The following CACNA2D1 variants were observed in gnomAD, a reference collection of about 807,000 sequenced individuals.
CACNA2D1 encodes the protein voltage-dependent calcium channel subunit alpha-2/delta-1.
CACNA2D1 carries 53 observed loss-of-function variants against 171.5 expected under a neutral mutation model. That is an observed-to-expected ratio of 0.31 (90% CI 0.25 to 0.39). The LOEUF (loss-of-function observed/expected upper bound fraction) is 0.39. Ranked by LOEUF, CACNA2D1 falls within the 10% of genes least tolerant of loss-of-function variation. The pLI, the probability that CACNA2D1 is intolerant of heterozygous loss-of-function variation, is 1.00. For synonymous variants in CACNA2D1, 442 were observed against 443.1 expected (o/e 1.00, Z 0.03); for missense variants, 903 against 1,299.8 (o/e 0.69, Z 4.69).
intron 9 of CACNA2D1, among the ~76,000 whole-genome samples, chr7:82,063,275 A>G (rs1807174502): frequency 6.6e-6 from 1 of 152,198 alleles, no homozygotes; most frequent in South Asian, 2.1e-4. Flanking sequence ...ATTGATTTAT[A>G]CTTAAGAAGA....
chr7:82,426,143 A>G (rs1373139148), intron 1 of CACNA2D1, among the ~76,000 whole-genome samples: 1 of 17,268 alleles, frequency 5.8e-5, no homozygotes. Flanking sequence ...AAATATATAA[A>G]TAAATAAATA....
At chr7:82,185,516 A>G (rs1220722737) in intron 3 of CACNA2D1, among the ~76,000 whole-genome samples, 15 of 15,746 alleles carry the variant, frequency 9.5e-4, no homozygotes, top group Non-Finnish European at 1.3e-3. Context: ...GAGGGGGAGG[A>G]GGGGGAGGAG....
At chr7:82,315,165 G>A (rs185676667) in intron 3 of CACNA2D1, among the ~76,000 whole-genome samples, 8 of 151,910 alleles carry the variant, frequency 5.3e-5, no homozygotes, top group South Asian at 2.1e-4. Context: ...AGGAAATAAC[G>A]TGTCGTGTCT....
chr7:82,238,752 GTC>G (rs1375988737), intron 3 of CACNA2D1, among the ~76,000 whole-genome samples: 3 of 152,018 alleles, frequency 2.0e-5, no homozygotes, highest in Non-Finnish European at 4.4e-5. Context: ...TTATCTGTAT[GTC>G]TGTTACACAG....
intron 6 of CACNA2D1, among the ~76,000 whole-genome samples, chr7:82,102,757 T>C (rs983229118): frequency 6.6e-6 from 1 of 152,092 alleles, no homozygotes; most frequent in Non-Finnish European, 1.5e-5. Flanking sequence ...GTCATACATG[T>C]CACTTCCACC....
At position 82,432,037 on chromosome 7, in the gene CACNA2D1, TAAAAA is replaced by T. The variant is rs34180150; in HGVS notation, c.95+11323_95+11327del. Among the ~76,000 whole-genome samples, 2 of 82,232 alleles carry T rather than the reference TAAAAA, an allele frequency of 2.4e-5. 1 individual carries two copies. Among genetic ancestry groups the T allele is most frequent in the South Asian group, 8.5e-4 (2 of 2,342 alleles). The allele number at this position is 82,232 out of a possible 152,430, so 53.9% of individuals were successfully genotyped here. ...TGGGCAACAGAACAAGACTCTGTCT[TAAAAA>T]AAAAAAAAAAAAAAAATTGGAGAGT... is the stretch of plus-strand genomic sequence containing the variant. On this transcript the variant is annotated intron_variant, in intron 1 of 38. Transcript: ENST00000356860.
intron 12 of CACNA2D1, among the ~76,000 whole-genome samples, chr7:82,022,868 T>A (rs556968682): frequency 7.3e-4 from 111 of 152,074 alleles, no homozygotes; most frequent in African/African-American, 2.6e-3. Context: ...TTGAAAGTTA[T>A]TTCATATCAT....
chr7:82,430,769 G>A (rs564369841), intron 1 of CACNA2D1, among the ~76,000 whole-genome samples: 2 of 152,224 alleles, frequency 1.3e-5, no homozygotes, highest in East Asian at 1.9e-4. Flanking sequence ...TGCGAAAAAC[G>A]CAACTGGTCT....
At chr7:82,121,081 C>G (rs1008270274) in intron 5 of CACNA2D1, among the ~76,000 whole-genome samples, 3 of 151,956 alleles carry the variant, frequency 2.0e-5, no homozygotes, top group Non-Finnish European at 4.4e-5. Flanking sequence ...TGTTTTGAAT[C>G]AGGATCTTGC....
chr7:82,400,434 A>T (rs1310593991), intron 1 of CACNA2D1, among the ~76,000 whole-genome samples: 2 of 152,060 alleles, frequency 1.3e-5, no homozygotes, highest in African/African-American at 4.8e-5. Context: ...TGTAAGTTGG[A>T]TTAAAAACAA....
At chr7:82,150,265 AAAAAC>A (rs1793679328) in intron 4 of CACNA2D1, among the ~76,000 whole-genome samples, 4 of 87,108 alleles carry the variant, frequency 4.6e-5, no homozygotes, top group Admixed American at 2.9e-4. Flanking sequence ...ATTAAAAAAA[AAAAAC>A]AAAAACAACA....
At chr7:82,016,182 T>A (rs1489948021) in intron 12 of CACNA2D1, among the ~76,000 whole-genome samples, 1 of 152,204 alleles carries the variant, frequency 6.6e-6, no homozygotes, top group African/African-American at 2.4e-5. Context: ...GTAGGGTTAC[T>A]GCTTACAGAG....
chr7:81,954,037 T>G (rs1584141554), intron 38 of CACNA2D1, among the ~76,000 whole-genome samples: 1 of 152,130 alleles, frequency 6.6e-6, no homozygotes, highest in African/African-American at 2.4e-5. Context: ...CCTGATCATG[T>G]CTTCCCAAGC....
chr7:82,360,385 T>C (rs1016623472), intron 1 of CACNA2D1, among the ~76,000 whole-genome samples: 1 of 152,198 alleles, frequency 6.6e-6, no homozygotes, highest in African/African-American at 2.4e-5. Context: ...AATACATGCA[T>C]ATTAATAATT....
chr7:82,327,239 C>T (rs1816764457), intron 3 of CACNA2D1, among the ~76,000 whole-genome samples: 1 of 152,220 alleles, frequency 6.6e-6, no homozygotes, highest in South Asian at 2.1e-4. Flanking sequence ...TTCAGAGAAG[C>T]AGTGGCCTAG....
chr7:82,119,222 T>C (rs943252433), intron 5 of CACNA2D1, among the ~76,000 whole-genome samples: 1 of 152,174 alleles, frequency 6.6e-6, no homozygotes, highest in African/African-American at 2.4e-5. Context: ...AAAATATATC[T>C]TCTGAAGTCT....
intron 2 of CACNA2D1, among the ~76,000 whole-genome samples, chr7:82,342,768 A>C (rs1818823489): frequency 6.6e-6 from 1 of 152,134 alleles, no homozygotes; most frequent in Admixed American, 6.5e-5. Context: ...TAATGGATGA[A>C]AGAGATCAGA....
At chr7:82,005,570 A>T (rs1281698551) in intron 17 of CACNA2D1, 73 bp from the exon 18 acceptor site, 1 of 998,118 alleles carries the variant, frequency 1.0e-6, no homozygotes, top group Admixed American at 2.1e-5. Flanking sequence ...TTTTAAATAC[A>T]TAATGTATTA....
In CACNA2D1 at chr7:82,329,804, G is replaced by A. The variant is rs1817084862; in HGVS notation, c.294+5331C>T. On this transcript the variant is annotated intron_variant, in intron 3 of 38. Transcript: ENST00000356860. Reference sequence around the variant, plus strand: ...AAAAGTCATTTAGCAGACACATCTTGGAAATAAAATAGTTCAAATTATGAA... The same window carrying A: ...AAAAGTCATTTAGCAGACACATCTTAGAAATAAAATAGTTCAAATTATGAA... Among the ~76,000 whole-genome samples the A allele has an allele frequency of 2.0e-5, 3 of 151,882 alleles. No homozygotes were observed. In the South Asian group the frequency reaches 6.2e-4, roughly 32 times the overall value.
Sources: gnomAD v4.1 joint callset for allele counts (sites outside exome capture counted in the v4.1 genomes callset) on GRCh38, gnomAD v4.1.1 for gene constraint, MANE v1.5 for transcripts, NCBI Gene and HGNC (gene_info 2026-07-23, HGNC 2026-07-21) for gene names.